Variants in SH3KBP1 observed in about 807,000 individuals in gnomAD.
The protein encoded by SH3KBP1 is SH3 domain containing kinase binding protein 1.
Under a neutral mutation model 50.1 loss-of-function variants are expected in SH3KBP1, and 8 were observed. The observed-to-expected ratio is 0.16, with a 90% CI of 0.09 to 0.29. SH3KBP1 has a LOEUF of 0.29. Among genes scored for constraint, SH3KBP1 ranks in the 10% least tolerant of loss-of-function variants. The pLI is 1.00. For missense variants in SH3KBP1, 377 were observed against 535.2 expected (o/e 0.70, Z 2.92); for synonymous variants, 227 against 218.6 (o/e 1.04, Z -0.34).
chrX:19,769,558 C>G (rs1362002822), intron 2 of SH3KBP1, among the ~76,000 whole-genome samples: 51 of 111,136 alleles, frequency 4.6e-4, no homozygotes, highest in Non-Finnish European at 1.3e-4. Flanking sequence ...ATAACATACT[C>G]AAAATGCACA....
intron 1 of SH3KBP1, among the ~76,000 whole-genome samples, chrX:19,842,072 A>G (rs1322426146): frequency 1.8e-5 from 2 of 111,594 alleles, no homozygotes; most frequent in Non-Finnish European, 3.8e-5. Context: ...GGGGATGGGA[A>G]TGGGGATGGA....
chrX:19,544,236 G>A (rs976624315), intron 15 of SH3KBP1, among the ~76,000 whole-genome samples: 16 of 111,138 alleles, frequency 1.4e-4, no homozygotes, highest in Non-Finnish European at 2.3e-4. Flanking sequence ...ATAGCGCTCC[G>A]CCAGCCTGTG....
At chrX:19,853,448 A>G (rs1477842118) in intron 1 of SH3KBP1, among the ~76,000 whole-genome samples, 9 of 111,133 alleles carry the variant, frequency 8.1e-5, no homozygotes, top group Non-Finnish European at 1.7e-4. Flanking sequence ...ATGTGGAAAC[A>G]TTATGATGTC....
chrX:19,852,987 T>C (rs189640106), intron 1 of SH3KBP1, among the ~76,000 whole-genome samples: 10 of 111,703 alleles, frequency 9.0e-5, no homozygotes, highest in East Asian at 5.6e-4. Flanking sequence ...CACAAGCGAG[T>C]TGACGCCTTC....
At chrX:19,692,840 G>A (rs751381646) in intron 5 of SH3KBP1, among the ~76,000 whole-genome samples, 1 of 107,592 alleles carries the variant, frequency 9.3e-6, no homozygotes, top group East Asian at 2.9e-4. Context: ...GTGCCAGCAC[G>A]CCCAGCTAAT....
intron 3 of SH3KBP1, among the ~76,000 whole-genome samples, chrX:19,723,798 C>T (rs919188268): frequency 9.0e-6 from 1 of 111,089 alleles, no homozygotes; most frequent in African/African-American, 3.3e-5. Context: ...GTGTAAACAA[C>T]CCAATAGCAC....
At chrX:19,793,917 G>A (rs1056652823) in intron 2 of SH3KBP1, among the ~76,000 whole-genome samples, 16 of 111,024 alleles carry the variant, frequency 1.4e-4, no homozygotes, top group African/African-American at 4.9e-4. Context: ...GGAAAGTGAT[G>A]TGGCTTCTCT....
chrX:19,616,612 A>G (rs1449337969), intron 8 of SH3KBP1, among the ~76,000 whole-genome samples: 1 of 111,405 alleles, frequency 9.0e-6, no homozygotes, highest in Non-Finnish European at 1.9e-5. Context: ...TTGCTGAGCA[A>G]CTGTGCATGC....
At chrX:19,672,356 C>A (rs2062817991) in intron 6 of SH3KBP1, among the ~76,000 whole-genome samples, 1 of 111,968 alleles carries the variant, frequency 8.9e-6, no homozygotes, top group Non-Finnish European at 1.9e-5. Context: ...GCACAGAGTA[C>A]CCTTTTTCCA....
At chrX:19,671,829 A>G (rs1236002358) in intron 6 of SH3KBP1, among the ~76,000 whole-genome samples, 2 of 112,442 alleles carry the variant, frequency 1.8e-5, no homozygotes, top group African/African-American at 3.2e-5. Context: ...ATTAGCCACA[A>G]TTACAAGTTC....
rs150089607 is a variant in SH3KBP1, at chrX:19,599,686, T to C, written c.1006-4686A>G. 7.2e-3 allele frequency among the ~76,000 whole-genome samples: 805 copies of C among 111,965 alleles called. 10 individuals carry two copies. Among genetic ancestry groups the C allele is most frequent in the African/African-American group, 0.024 (752 of 30,794 alleles). On this transcript the variant is annotated intron_variant, in intron 9 of 17. Transcript: ENST00000397821. Reference sequence around the variant, plus strand: ...TCACTTTCTCTGGTTCCATCAAACTTAGCCTTCATGCTTTTTCAAAGGAGA... The same window carrying C: ...TCACTTTCTCTGGTTCCATCAAACTCAGCCTTCATGCTTTTTCAAAGGAGA...
chrX:19,807,816 T>C (rs7888140), intron 2 of SH3KBP1, among the ~76,000 whole-genome samples: 5,346 of 112,350 alleles, frequency 0.048, 294 homozygotes, highest in African/African-American at 0.15. Flanking sequence ...CTGGTTCTAC[T>C]GAGTGTTTTG....
At chrX:19,597,514 C>A (rs937941453) in intron 9 of SH3KBP1, among the ~76,000 whole-genome samples, 1 of 111,838 alleles carries the variant, frequency 8.9e-6, no homozygotes, top group African/African-American at 3.3e-5. Context: ...CTTGACCTCC[C>A]AGGCTCAAGA....
At chrX:19,714,510 A>T (rs1050930327) in intron 3 of SH3KBP1, among the ~76,000 whole-genome samples, 14 of 79,983 alleles carry the variant, frequency 1.8e-4, no homozygotes, top group Middle Eastern at 5.3e-3. Flanking sequence ...AAATTTATTT[A>T]AAAAAAAGAA....
At chrX:19,593,895 A>C (rs1171271331) in intron 10 of SH3KBP1, among the ~76,000 whole-genome samples, 2 of 112,109 alleles carry the variant, frequency 1.8e-5, no homozygotes, top group Non-Finnish European at 3.8e-5. Context: ...AGGTGGCAAA[A>C]TGAAACTGCT....
chrX:19,719,880 C>T (rs770985748), intron 3 of SH3KBP1, among the ~76,000 whole-genome samples: 1 of 97,260 alleles, frequency 1.0e-5, no homozygotes, highest in African/African-American at 3.9e-5. Flanking sequence ...ATAATAATAA[C>T]AATAATAATA....
intron 8 of SH3KBP1, among the ~76,000 whole-genome samples, chrX:19,629,075 C>A (rs1161739053): frequency 1.8e-5 from 2 of 111,348 alleles, no homozygotes; most frequent in Non-Finnish European, 1.9e-5. Context: ...CGATTGCACT[C>A]CAGCCTGGGC....
At chrX:19,851,498 G>A (rs2068507892) in intron 1 of SH3KBP1, among the ~76,000 whole-genome samples, 1 of 112,249 alleles carries the variant, frequency 8.9e-6, no homozygotes, top group African/African-American at 3.2e-5. Context: ...ACCCAGGACC[G>A]GCCTGATATA....
At chrX:19,631,033 C>T (rs577790990) in intron 8 of SH3KBP1, among the ~76,000 whole-genome samples, 3 of 111,503 alleles carry the variant, frequency 2.7e-5, no homozygotes, top group Non-Finnish European at 5.7e-5. Context: ...CCTGCGAGAG[C>T]GAGCGCAGGC....
Sources: gnomAD v4.1 joint callset for allele counts (sites outside exome capture counted in the v4.1 genomes callset) on GRCh38, gnomAD v4.1.1 for gene constraint, MANE v1.5 for transcripts, NCBI Gene and HGNC (gene_info 2026-07-23, HGNC 2026-07-21) for gene names.